The following BMPR1A variants were observed in gnomAD, a reference collection of about 807,000 sequenced individuals.
BMPR1A encodes the protein bone morphogenetic protein receptor type 1A.
BMPR1A carries 7 observed loss-of-function variants against 66.0 expected under a neutral mutation model. The ratio of observed to expected loss-of-function variants is 0.11; its 90% CI spans 0.06 to 0.20. BMPR1A has a LOEUF of 0.20. Among genes scored for constraint, BMPR1A ranks in the 10% least tolerant of loss-of-function variants. The probability of loss-of-function intolerance (pLI) is 1.00; values close to 1 mark genes in which losing one functional copy is unlikely to be tolerated. For missense variants in BMPR1A, 408 were observed against 669.1 expected, an observed-to-expected ratio of 0.61 and a Z score of 4.31; for synonymous variants, 200 against 229.7, an observed-to-expected ratio of 0.87 and a Z score of 1.17.
chr10:86,772,067 C>CT (rs71475698), intron 1 of BMPR1A, among the ~76,000 whole-genome samples: 33,366 of 142,142 alleles, frequency 0.23, 6,517 homozygotes, highest in African/African-American at 0.54. Context: ...AAAATTAGTG[C>CT]TTTTTTTTTT....
chr10:86,857,746 T>G (rs1471034382), intron 2 of BMPR1A, among the ~76,000 whole-genome samples: 2 of 142,794 alleles, frequency 1.4e-5, no homozygotes, highest in South Asian at 2.2e-4. Flanking sequence ...CCAGATCTAG[T>G]GATCCAAAAA....
intron 1 of BMPR1A, among the ~76,000 whole-genome samples, chr10:86,770,913 T>G (rs1841248731): frequency 1.3e-5 from 2 of 152,198 alleles, no homozygotes; most frequent in African/African-American, 4.8e-5. Flanking sequence ...AAGTTCCCAT[T>G]AAGGCCTTTG....
At chr10:86,866,415 T>TTTTTTTTTC (rs1564707637) in intron 2 of BMPR1A, among the ~76,000 whole-genome samples, 4 of 132,340 alleles carry the variant, frequency 3.0e-5, no homozygotes, top group African/African-American at 1.2e-4. Context: ...TTTTTTTTTT[T>TTTTTTTTTC]TTTTTTTTTT....
At chr10:86,907,751 G>A (rs1046473082) in intron 7 of BMPR1A, among the ~76,000 whole-genome samples, 3 of 152,182 alleles carry the variant, frequency 2.0e-5, no homozygotes, top group African/African-American at 7.2e-5. Flanking sequence ...TCATACGTGG[G>A]AGCTAAAAAG....
chr10:86,911,060 T>A (rs1843474169), intron 7 of BMPR1A, among the ~76,000 whole-genome samples: 1 of 144,378 alleles, frequency 6.9e-6, no homozygotes, highest in Non-Finnish European at 1.5e-5. Flanking sequence ...GAGGCTGAGG[T>A]GGGAGGATCA....
At chr10:86,855,345 T>C in intron 2 of BMPR1A, 1 of 871,536 alleles carries the variant, frequency 1.1e-6, no homozygotes, top group Non-Finnish European at 1.7e-6. Context: ...TATTTGCCAC[T>C]TCAGGACACA....
intron 3 of BMPR1A, among the ~76,000 whole-genome samples, chr10:86,880,488 G>T (rs2133345324): frequency 6.6e-6 from 1 of 152,240 alleles, no homozygotes; most frequent in East Asian, 1.9e-4. Context: ...TAATAGATAT[G>T]GGACTGTGTT....
chr10:86,814,534 C>A (rs1167690747), intron 1 of BMPR1A, among the ~76,000 whole-genome samples: 3 of 151,968 alleles, frequency 2.0e-5, no homozygotes, highest in Non-Finnish European at 4.4e-5. Flanking sequence ...TTTTATTCTT[C>A]ATTTCTCAAA....
At chr10:86,846,798 C>T (rs943504028) in intron 2 of BMPR1A, among the ~76,000 whole-genome samples, 1 of 152,136 alleles carries the variant, frequency 6.6e-6, no homozygotes, top group African/African-American at 2.4e-5. Flanking sequence ...ATCCAGGTCT[C>T]GCTTTCAGGC....
intron 1 of BMPR1A, among the ~76,000 whole-genome samples, chr10:86,776,815 G>A (rs1841356074): frequency 6.6e-6 from 1 of 152,034 alleles, no homozygotes; most frequent in Non-Finnish European, 1.5e-5. Context: ...ACATCCAGGT[G>A]GGAGACTCTT....
At position 86,814,765 on chromosome 10, in the gene BMPR1A, C is replaced by T. The variant is rs376942933; in HGVS notation, c.-267-24100C>T. Among the ~76,000 whole-genome samples, 164 of 151,672 alleles carry T rather than the reference C, an allele frequency of 1.1e-3. 6 individuals carry two copies. The South Asian group carries it at 0.021, about 19-fold the overall frequency. The stretch of plus-strand genomic sequence containing the variant: ...GGATGTTGTTTTGTTGTTTTGTTCC[C>T]GATTCCTTCACTGTTTTTTTTTGTT... On this transcript the variant is annotated intron_variant, in intron 1 of 12. Transcript: ENST00000372037.
At chr10:86,777,795 C>T (rs9325590) in intron 1 of BMPR1A, among the ~76,000 whole-genome samples, 31,508 of 151,650 alleles carry the variant, frequency 0.21, 5,244 homozygotes, top group African/African-American at 0.46. Flanking sequence ...AGGTGGATCA[C>T]CTGAGGTTGG....
At chr10:86,882,094 G>A (rs1589759476) in intron 3 of BMPR1A, among the ~76,000 whole-genome samples, 1 of 152,100 alleles carries the variant, frequency 6.6e-6, no homozygotes, top group South Asian at 2.1e-4. Context: ...GGGGGAGGGA[G>A]TGAAACAAGA....
chr10:86,772,363 C>T (rs1841278617), intron 1 of BMPR1A, among the ~76,000 whole-genome samples: 1 of 151,822 alleles, frequency 6.6e-6, no homozygotes, highest in Non-Finnish European at 1.5e-5. Flanking sequence ...ATCTCCTGAC[C>T]TCATGATCTC....
chr10:86,805,403 C>T lies in BMPR1A; in HGVS notation c.-267-33462C>T, dbSNP rs529292923. ...ACACACACACACACACACACACACA[C>T]ACTTTTAAGAGTGAGGTTGTATATA... On this transcript the variant is annotated intron_variant, in intron 1 of 12. Coordinates refer to ENST00000372037, the MANE Select transcript of BMPR1A (RefSeq NM_004329.3). Among the ~76,000 whole-genome samples, 3 of 150,654 alleles carry T rather than the reference C, an allele frequency of 2.0e-5. 1 individual carries two copies. In the South Asian group the frequency reaches 6.3e-4, roughly 32 times the overall value.
chr10:86,902,183 G>A (rs1219259531), intron 7 of BMPR1A, among the ~76,000 whole-genome samples: 1 of 152,036 alleles, frequency 6.6e-6, no homozygotes, highest in African/African-American at 2.4e-5. Flanking sequence ...GTAAAATATT[G>A]TTGAGTATGC....
chr10:86,895,272 C>T (rs1304998735), intron 5 of BMPR1A, among the ~76,000 whole-genome samples: 1 of 152,082 alleles, frequency 6.6e-6, no homozygotes, highest in South Asian at 2.1e-4. Context: ...GCACGGTGGC[C>T]CCAGCCTGTA....
At chr10:86,908,495 AAT>A (rs1843429372) in intron 7 of BMPR1A, among the ~76,000 whole-genome samples, 1 of 152,162 alleles carries the variant, frequency 6.6e-6, no homozygotes, top group Non-Finnish European at 1.5e-5. Flanking sequence ...CTGTGCCTTC[AAT>A]GCCTCACAAG....
chr10:86,847,786 C>G (rs1016928710), intron 2 of BMPR1A, among the ~76,000 whole-genome samples: 4 of 151,984 alleles, frequency 2.6e-5, no homozygotes, highest in Non-Finnish European at 5.9e-5. Flanking sequence ...TCTTCCCCAC[C>G]CTTCACCCCA....
Sources: gnomAD v4.1 joint callset for allele counts (sites outside exome capture counted in the v4.1 genomes callset) on GRCh38, gnomAD v4.1.1 for gene constraint, MANE v1.5 for transcripts, NCBI Gene and HGNC (gene_info 2026-07-23, HGNC 2026-07-21) for gene names.